PPM1E: variants seen among roughly 807,000 people sequenced by gnomAD.
PPM1E encodes protein phosphatase 1E.
Under a neutral mutation model 65.9 loss-of-function variants are expected in PPM1E, and 20 were observed. The ratio of observed to expected loss-of-function variants is 0.30; its 90% CI spans 0.21 to 0.44. The LOEUF is 0.44. PPM1E is among the 20% of genes least tolerant of loss of function. The pLI is 1.00. For missense variants in PPM1E, 713 were observed against 953.1 expected, an observed-to-expected ratio of 0.75 and a Z score of 3.32; for synonymous variants, 352 against 374.9, an observed-to-expected ratio of 0.94 and a Z score of 0.70.
intron 1 of PPM1E, among the ~76,000 whole-genome samples, chr17:58,945,200 AG>A (rs2052132066): frequency 1.3e-5 from 2 of 149,694 alleles, no homozygotes; most frequent in African/African-American, 4.9e-5. Flanking sequence ...ACTGGAGTGC[AG>A]TGGCATGATC....
At chr17:58,806,122 T>C (rs2050312107) in intron 1 of PPM1E, among the ~76,000 whole-genome samples, 1 of 152,026 alleles carries the variant, frequency 6.6e-6, no homozygotes, top group African/African-American at 2.4e-5. Context: ...GACTTTCTTC[T>C]GAAAGTAGGG....
chr17:58,897,722 T>G (rs1197226846), intron 1 of PPM1E: 1 of 152,204 alleles, frequency 6.6e-6, no homozygotes, highest in Non-Finnish European at 1.5e-5. Context: ...TTGCCACTGC[T>G]GAATCAGTGG....
At chr17:58,973,277 C>T (rs941516685) in intron 6 of PPM1E, among the ~76,000 whole-genome samples, 56 of 151,736 alleles carry the variant, frequency 3.7e-4, no homozygotes, top group African/African-American at 1.1e-3. Flanking sequence ...ATTAGCCAGG[C>T]GTGGTGGCGG....
rs1349652120 is a variant in PPM1E at position 58,846,514 on chromosome 17, TGTG to T, written c.464+90057_464+90059del. Among the ~76,000 whole-genome samples, 12 of 152,134 alleles carry T rather than the reference TGTG, an allele frequency of 7.9e-5. 1 individual carries two copies. Among genetic ancestry groups the T allele is most frequent in the Non-Finnish European group, 1.8e-4 (12 of 68,022 alleles). ...CAATTCCCATGTATGAGTGAGAACA[TGTG>T]GTGTTTGGTTTTCTGTCCTTGCAAT... On this transcript the variant is annotated intron_variant, in intron 1 of 6. Coordinates refer to ENST00000308249, the MANE Select transcript of PPM1E (RefSeq NM_014906.5).
chr17:58,851,400 A>G (rs1214886056), intron 1 of PPM1E, among the ~76,000 whole-genome samples: 1 of 152,138 alleles, frequency 6.6e-6, no homozygotes, highest in Non-Finnish European at 1.5e-5. Flanking sequence ...GTTTGTCCCC[A>G]TCTTTGTGGT....
At chr17:58,815,689 A>G (rs1249658672) in intron 1 of PPM1E, among the ~76,000 whole-genome samples, 1 of 152,178 alleles carries the variant, frequency 6.6e-6, no homozygotes, top group Non-Finnish European at 1.5e-5. Context: ...TGATTTTGAC[A>G]TTGCTTTTGA....
At chr17:58,773,845 C>T (rs1229676685) in intron 1 of PPM1E, among the ~76,000 whole-genome samples, 2 of 151,990 alleles carry the variant, frequency 1.3e-5, no homozygotes, top group South Asian at 2.1e-4. Context: ...CTATGGGTTC[C>T]GGGAATCTGT....
At chr17:58,812,030 G>GA (rs1043818435) in intron 1 of PPM1E, among the ~76,000 whole-genome samples, 27 of 150,708 alleles carry the variant, frequency 1.8e-4, no homozygotes, top group African/African-American at 5.8e-4. Flanking sequence ...AGCTAGAAAA[G>GA]AAAAAAAATA....
intron 1 of PPM1E, among the ~76,000 whole-genome samples, chr17:58,922,457 T>C (rs1450073448): frequency 6.6e-6 from 1 of 152,006 alleles, no homozygotes; most frequent in Non-Finnish European, 1.5e-5. Flanking sequence ...TATTGCTATG[T>C]TGCTGAGACT....
chr17:58,778,923 C>CATAT (rs1287475365), intron 1 of PPM1E, among the ~76,000 whole-genome samples: 2 of 61,776 alleles, frequency 3.2e-5, no homozygotes, highest in Non-Finnish European at 6.3e-5. Context: ...TGAGATGATA[C>CATAT]ATACATATAT....
chr17:58,939,313 A>G (rs569378163), intron 1 of PPM1E, among the ~76,000 whole-genome samples: 77 of 152,312 alleles, frequency 5.1e-4, no homozygotes, highest in African/African-American at 1.7e-3. Context: ...GAAGCAAGAT[A>G]AATATTTGGA....
chr17:58,939,789 A>G (rs891678785), intron 1 of PPM1E, among the ~76,000 whole-genome samples: 20 of 152,302 alleles, frequency 1.3e-4, no homozygotes, highest in African/African-American at 4.3e-4. Flanking sequence ...GAAAACATCA[A>G]ATTGGTATGT....
intron 1 of PPM1E, among the ~76,000 whole-genome samples, chr17:58,845,082 C>T (rs2050757678): frequency 6.6e-6 from 1 of 152,142 alleles, no homozygotes; most frequent in Non-Finnish European, 1.5e-5. Flanking sequence ...TGTCTGAATG[C>T]CCAGCCTTAA....
At chr17:58,861,580 T>G (rs1248206425) in intron 1 of PPM1E, among the ~76,000 whole-genome samples, 1 of 152,192 alleles carries the variant, frequency 6.6e-6, no homozygotes, top group African/African-American at 2.4e-5. Flanking sequence ...AAGAGTCAGT[T>G]AGATGCACTT....
At chr17:58,803,991 T>C (rs950689273) in intron 1 of PPM1E, among the ~76,000 whole-genome samples, 1 of 152,228 alleles carries the variant, frequency 6.6e-6, no homozygotes, top group Admixed American at 6.5e-5. Flanking sequence ...TGCACTGGCA[T>C]GATCATAGCT....
intron 1 of PPM1E, among the ~76,000 whole-genome samples, chr17:58,823,655 A>G (rs368984840): frequency 3.0e-4 from 46 of 152,298 alleles, no homozygotes; most frequent in African/African-American, 1.0e-3. Flanking sequence ...CAGGAAAGAT[A>G]AAAAATAAAG....
intron 1 of PPM1E, among the ~76,000 whole-genome samples, chr17:58,936,769 A>G (rs2051986515): frequency 2.0e-5 from 3 of 152,244 alleles, no homozygotes; most frequent in African/African-American, 4.8e-5. Context: ...CTGTCCATCT[A>G]AAGGAACTTA....
chr17:58,839,240 T>C (rs1477434661), intron 1 of PPM1E, among the ~76,000 whole-genome samples: 3 of 151,810 alleles, frequency 2.0e-5, no homozygotes, highest in Admixed American at 1.3e-4. Context: ...GAGGCTGAGG[T>C]AAGAAGATCA....
chr17:58,865,568 T>C (rs1189953849), intron 1 of PPM1E, among the ~76,000 whole-genome samples: 1 of 151,836 alleles, frequency 6.6e-6, no homozygotes, highest in Non-Finnish European at 1.5e-5. Flanking sequence ...GGTATGATGG[T>C]GCACACTTGT....
Sources: allele counts gnomAD v4.1 joint callset (sites outside exome capture counted in the v4.1 genomes callset), GRCh38; gene constraint gnomAD v4.1.1; transcripts MANE v1.5; gene names NCBI Gene and HGNC (gene_info 2026-07-23, HGNC 2026-07-21).